MBNL2: variants seen among roughly 807,000 people sequenced by gnomAD.
The protein encoded by MBNL2 is muscleblind like splicing regulator 2, also known as muscleblind-like protein 2.
A neutral mutation model predicts 41.9 loss-of-function variants in MBNL2; 17 were observed. That is an observed-to-expected ratio of 0.41 (90% CI 0.28 to 0.61). MBNL2 has a LOEUF of 0.61. Among genes scored for constraint, MBNL2 ranks in the 20% least tolerant of loss-of-function variants. The pLI is 0.35. For synonymous variants in MBNL2, 195 were observed against 182.9 expected (o/e 1.07, Z -0.53); for missense variants, 336 against 505.6 (o/e 0.66, Z 3.22).
the MBNL2 span, among the ~76,000 whole-genome samples, chr13:97,208,302 C>T: frequency 1.6e-4 from 25 of 152,132 alleles, no homozygotes; most frequent in East Asian, 4.4e-3. Context: ...AGCAGGAAAA[C>T]GATGAGAAAG....
Position 97,346,709 on chromosome 13 carries a change from C to A in MBNL2, c.541-95C>A. On this transcript the variant is annotated intron_variant, in intron 4 of 8. Coordinates refer to ENST00000679496, the MANE Select transcript of MBNL2 (RefSeq NM_001382683.1). This position sits in a 1 kb window ranked among gnomAD's most constrained non-coding sequence, Gnocchi z 4.2. ...GTGGTACATGAGCCACCATTGAAAG[C>A]GAGGCAGCCTCCGCTCCTCCCGCGG... The A allele has an allele frequency of 4.1e-6, 4 of 966,500 alleles. No homozygotes were observed. The highest frequency in any genetic ancestry group is 2.5e-5 in the East Asian group (1 of 39,692). The allele number at this position is 966,500 out of a possible 1,614,324, so 59.9% of individuals were successfully genotyped here. A position where few individuals can be genotyped will look rare whatever the true frequency, so the allele number is the denominator to read the frequency against.
At chr13:97,215,797 G>A in the MBNL2 span, among the ~76,000 whole-genome samples, 2 of 152,234 alleles carry the variant, frequency 1.3e-5, no homozygotes, top group East Asian at 3.9e-4. Flanking sequence ...AATACCAAGA[G>A]TGTCATGAAG....
chr13:97,150,049 G>C, the MBNL2 span, among the ~76,000 whole-genome samples: 1 of 152,212 alleles, frequency 6.6e-6, no homozygotes, highest in African/African-American at 2.4e-5. Flanking sequence ...CAACAGGCGT[G>C]CTTTTGTCTC....
chr13:97,302,675 A>T (rs1211181795), intron 2 of MBNL2, among the ~76,000 whole-genome samples: 1 of 152,218 alleles, frequency 6.6e-6, no homozygotes, highest in Non-Finnish European at 1.5e-5. Flanking sequence ...TCCAAACACA[A>T]TGGGTGTAAA....
At chr13:97,370,997 C>T (rs2064321616) in intron 8 of MBNL2, among the ~76,000 whole-genome samples, 1 of 152,124 alleles carries the variant, frequency 6.6e-6, no homozygotes, top group African/African-American at 2.4e-5. Context: ...TATATTGAAA[C>T]AAATTTAATC....
chr13:97,205,404 TAAAAA>T, the MBNL2 span, among the ~76,000 whole-genome samples: 1 of 150,984 alleles, frequency 6.6e-6, no homozygotes, highest in Non-Finnish European at 1.5e-5. Flanking sequence ...AAATAAAAAA[TAAAAA>T]AAAGATAATT....
At chr13:97,221,997 C>T (rs908800542), upstream of MBNL2, among the ~76,000 whole-genome samples, 3 of 152,162 alleles carry the variant, frequency 2.0e-5, no homozygotes, top group African/African-American at 4.8e-5. Flanking sequence ...TTGGAATCTG[C>T]GGAGTTTCAC....
chr13:97,249,674 T>C, intron 1 of MBNL2, among the ~76,000 whole-genome samples: 1 of 152,236 alleles, frequency 6.6e-6, no homozygotes, highest in Non-Finnish European at 1.5e-5. Flanking sequence ...GCCTAATTTT[T>C]TCCTTTAGGA....
chr13:97,348,083 T>TG (rs2062057949), intron 5 of MBNL2, among the ~76,000 whole-genome samples: 1 of 150,140 alleles, frequency 6.7e-6, no homozygotes, highest in African/African-American at 2.5e-5. Context: ...GATTTTTTTT[T>TG]TTTTTTTTTT....
the MBNL2 span, among the ~76,000 whole-genome samples, chr13:97,178,785 G>T: frequency 6.6e-6 from 1 of 151,996 alleles, no homozygotes; most frequent in Non-Finnish European, 1.5e-5. Flanking sequence ...TAGTCCCAGC[G>T]ACTGGGGAGG....
intron 7 of MBNL2, chr13:97,363,048 T>G (rs1214595338): frequency 2.6e-5 from 4 of 152,252 alleles, no homozygotes; most frequent in African/African-American, 9.7e-5. Context: ...CAACCCTGCT[T>G]AGCTTCCGAG....
the MBNL2 span, among the ~76,000 whole-genome samples, chr13:97,193,676 A>C: frequency 6.6e-6 from 1 of 152,328 alleles, no homozygotes; most frequent in East Asian, 1.9e-4. Context: ...GCAGGTAGGC[A>C]AGAGTGGGAG....
intron 8 of MBNL2, among the ~76,000 whole-genome samples, chr13:97,387,443 C>T (rs1319169887): frequency 6.6e-6 from 1 of 152,152 alleles, no homozygotes; most frequent in African/African-American, 2.4e-5. Context: ...CCATCTAGCC[C>T]CTCCAAACAG....
At chr13:97,266,313 C>T (rs1057333003) in intron 1 of MBNL2, among the ~76,000 whole-genome samples, 4 of 152,028 alleles carry the variant, frequency 2.6e-5, no homozygotes, top group Admixed American at 2.6e-4. Context: ...AAAGAAAAAC[C>T]ATTAAAAGAA....
chr13:97,181,392 T>C, the MBNL2 span, among the ~76,000 whole-genome samples: 1 of 152,166 alleles, frequency 6.6e-6, no homozygotes, highest in Non-Finnish European at 1.5e-5. Context: ...TAGGTGGTTT[T>C]AAAAAAGGAA....
chr13:97,368,440 C>A (rs374806456), intron 8 of MBNL2, among the ~76,000 whole-genome samples: 7 of 82,722 alleles, frequency 8.5e-5, no homozygotes, highest in Non-Finnish European at 1.3e-4. Context: ...AAATAAAATA[C>A]AAGTTTGAAG....
At chr13:97,167,669 A>T in the MBNL2 span, among the ~76,000 whole-genome samples, 40 of 152,260 alleles carry the variant, frequency 2.6e-4, no homozygotes, top group South Asian at 8.3e-3. Context: ...AAAGCAGAGG[A>T]TTTAACTAAA....
At chr13:97,151,825 A>G in the MBNL2 span, among the ~76,000 whole-genome samples, 150 of 152,312 alleles carry the variant, frequency 9.8e-4, no homozygotes, top group African/African-American at 3.3e-3. Flanking sequence ...AAGAACCTGA[A>G]TGGTTGGAGA....
intron 1 of MBNL2, among the ~76,000 whole-genome samples, chr13:97,261,777 C>T (rs1259834695): frequency 2.0e-5 from 3 of 152,324 alleles, no homozygotes; most frequent in East Asian, 1.9e-4. Flanking sequence ...TGAAGCTGCC[C>T]TGGTTTCATT....
Sources: allele counts gnomAD v4.1 joint callset (sites outside exome capture counted in the v4.1 genomes callset), GRCh38; gene constraint gnomAD v4.1.1; non-coding constraint Gnocchi (gnomAD v3.1); transcripts MANE v1.5; gene names NCBI Gene and HGNC (gene_info 2026-07-23, HGNC 2026-07-21).